Variants in PCDH15 observed in about 807,000 individuals in gnomAD.
The protein encoded by PCDH15 is protocadherin related 15, also known as protocadherin-15.
A neutral mutation model predicts 178.5 loss-of-function variants in PCDH15; 129 were observed. That is an observed-to-expected ratio of 0.72 (90% CI 0.63 to 0.84). The LOEUF is 0.84. Among genes scored for constraint, PCDH15 ranks in the 40% least tolerant of loss-of-function variants. The pLI, the probability that PCDH15 is intolerant of heterozygous loss-of-function variation, is 0.00. For synonymous variants in PCDH15, 800 were observed against 732.0 expected, an observed-to-expected ratio of 1.09 and a Z score of -1.50; for missense variants, 2,230 against 2,099.9, an observed-to-expected ratio of 1.06 and a Z score of -1.21.
intron 1 of PCDH15, among the ~76,000 whole-genome samples, chr10:54,768,868 T>C (rs1397805553): frequency 2.0e-5 from 3 of 152,140 alleles, no homozygotes; most frequent in Non-Finnish European, 4.4e-5. Flanking sequence ...CTGTCTTTAG[T>C]TTCCTGCACA....
chr10:54,966,868 C>T lies in PCDH15; in HGVS notation c.-79-69368G>A, dbSNP rs575945172. Among the ~76,000 whole-genome samples, 88 of 152,156 alleles carry T rather than the reference C, an allele frequency of 5.8e-4. 1 individual carries two copies. The South Asian group carries it at 0.017, about 30-fold the overall frequency. On this transcript the variant is annotated intron_variant, in intron 2 of 5. Transcript: ENST00000458638. The stretch of plus-strand genomic sequence containing the variant: ...GTGTTTTCTTTATAAATTACCCAGC[C>T]TCAGGTATATCTTTATCAGCAGCAT...
At chr10:54,311,000 T>C (rs4141670) in intron 8 of PCDH15, among the ~76,000 whole-genome samples, 31,204 of 151,922 alleles carry the variant, frequency 0.21, 3,267 homozygotes, top group Admixed American at 0.23. Context: ...CTGAAAATCA[T>C]CATTACTTTT....
intron 1 of PCDH15, among the ~76,000 whole-genome samples, chr10:55,223,882 C>G (rs780080711): frequency 1.3e-5 from 2 of 152,090 alleles, no homozygotes; most frequent in African/African-American, 4.8e-5. Flanking sequence ...GAAAATTTTA[C>G]CTTTCAGTTT....
At chr10:55,245,046 A>T (rs1215273398) in intron 1 of PCDH15, among the ~76,000 whole-genome samples, 1 of 152,046 alleles carries the variant, frequency 6.6e-6, no homozygotes, top group African/African-American at 2.4e-5. Flanking sequence ...AGTTTTGAGA[A>T]GTTACTCATG....
At chr10:54,980,379 C>T (rs1213818976) in intron 2 of PCDH15, among the ~76,000 whole-genome samples, 2 of 151,942 alleles carry the variant, frequency 1.3e-5, no homozygotes, top group South Asian at 2.1e-4. Context: ...TAAAAAATAT[C>T]ACCAGGCAAA....
intron 2 of PCDH15, among the ~76,000 whole-genome samples, chr10:55,520,044 ACATATATATATATACATATATATGG>A (rs1455533077): frequency 1.4e-5 from 2 of 146,152 alleles, no homozygotes; most frequent in South Asian, 2.1e-4. Flanking sequence ...CCATATATAT[ACATATATATATATACATATATATGG>A]CATATATATA....
intron 2 of PCDH15, among the ~76,000 whole-genome samples, chr10:55,339,290 T>TAACAACAACAAC (rs34058084): frequency 1.3e-5 from 2 of 150,534 alleles, no homozygotes; most frequent in African/African-American, 2.4e-5. Flanking sequence ...CCATAACAAT[T>TAACAACAACAAC]AACAACAACA....
chr10:53,938,341 G>C (rs548737012), intron 25 of PCDH15, among the ~76,000 whole-genome samples: 1 of 152,120 alleles, frequency 6.6e-6, no homozygotes, highest in African/African-American at 2.4e-5. Context: ...AGGTTAAAAA[G>C]TGTAAATTAA....
At chr10:54,863,504 TGC>T (rs1953883564) in intron 3 of PCDH15, among the ~76,000 whole-genome samples, 2 of 152,202 alleles carry the variant, frequency 1.3e-5, no homozygotes, top group African/African-American at 2.4e-5. Flanking sequence ...ATCGTGCCAC[TGC>T]GCTCCAGCCT....
intron 2 of PCDH15, among the ~76,000 whole-genome samples, chr10:55,141,095 T>G (rs1034201995): frequency 1.3e-5 from 2 of 152,076 alleles, no homozygotes; most frequent in East Asian, 1.9e-4. Flanking sequence ...GTTTGTCTTC[T>G]GCAAAATTTA....
At chr10:54,988,697 A>C (rs2131913905) in intron 2 of PCDH15, among the ~76,000 whole-genome samples, 1 of 152,298 alleles carries the variant, frequency 6.6e-6, no homozygotes, top group South Asian at 2.1e-4. Flanking sequence ...TCAAGATGTG[A>C]CTTGGGTGCT....
intron 15 of PCDH15, among the ~76,000 whole-genome samples, chr10:54,123,241 G>C (rs1166832074): frequency 6.6e-6 from 1 of 152,026 alleles, no homozygotes; most frequent in African/African-American, 2.4e-5. Flanking sequence ...ATAACCTACA[G>C]AACAGGAGAG....
intron 26 of PCDH15, among the ~76,000 whole-genome samples, chr10:53,867,427 A>G (rs1173132686): frequency 6.6e-6 from 1 of 152,146 alleles, no homozygotes; most frequent in East Asian, 1.9e-4. Context: ...TTGAGATGAC[A>G]GATATGCTAA....
At chr10:54,174,707 T>C (rs1276071610) in intron 13 of PCDH15, among the ~76,000 whole-genome samples, 18 of 108,268 alleles carry the variant, frequency 1.7e-4, no homozygotes, top group South Asian at 9.5e-4. Context: ...CTTTTCTTTT[T>C]TTTTTTTTTT....
chr10:54,680,440 C>T (rs1407295821), intron 1 of PCDH15, among the ~76,000 whole-genome samples: 1 of 151,978 alleles, frequency 6.6e-6, no homozygotes, highest in Non-Finnish European at 1.5e-5. Flanking sequence ...TATTGCTTCA[C>T]AAAGTCTTTG....
chr10:54,760,786 C>T (rs1437023619), intron 1 of PCDH15, among the ~76,000 whole-genome samples: 1 of 152,046 alleles, frequency 6.6e-6, no homozygotes, highest in East Asian at 1.9e-4. Context: ...TATATATTAT[C>T]TCTTTGTTAA....
intron 8 of PCDH15, among the ~76,000 whole-genome samples, chr10:54,286,408 T>G (rs928157896): frequency 1.3e-5 from 2 of 152,184 alleles, no homozygotes; most frequent in African/African-American, 2.4e-5. Context: ...ACCTGATTTT[T>G]TTTTTCCATT....
intron 1 of PCDH15, among the ~76,000 whole-genome samples, chr10:54,711,409 A>T (rs2095426902): frequency 2.0e-5 from 3 of 151,964 alleles, no homozygotes; most frequent in Admixed American, 6.6e-5. Context: ...CTTGAAAATA[A>T]GAGGACTTCT....
chr10:54,413,976 A>T (rs72788674), intron 3 of PCDH15, among the ~76,000 whole-genome samples: 71,556 of 151,818 alleles, frequency 0.47, 17,579 homozygotes, highest in Non-Finnish European at 0.53. Context: ...CACCCAAATC[A>T]TTACCCAAAT....
Sources: allele counts gnomAD v4.1 joint callset (sites outside exome capture counted in the v4.1 genomes callset), GRCh38; gene constraint gnomAD v4.1.1; transcripts MANE v1.5; gene names NCBI Gene and HGNC (gene_info 2026-07-23, HGNC 2026-07-21).